Variants in ATP2A3 observed in about 807,000 individuals in gnomAD.
The protein encoded by ATP2A3 is sarcoplasmic/endoplasmic reticulum calcium ATPase 3.
In ATP2A3, 61 loss-of-function variants were observed where a neutral mutation model predicts 106.8. The observed-to-expected ratio is 0.57, with a 90% confidence interval of 0.46 to 0.71. The LOEUF (loss-of-function observed/expected upper bound fraction) is 0.71. ATP2A3 is among the 30% of genes least tolerant of loss of function. The pLI is 0.00. For missense variants in ATP2A3, 1,201 were observed against 1,423.5 expected (o/e 0.84, Z 2.52); for synonymous variants, 611 against 609.3 (o/e 1.00, Z -0.04).
rs143751516 is a variant in ATP2A3 at position 3,924,581 on chromosome 17, G to A, written c.*841C>T. 2.8e-6 allele frequency: 1 copy of A among 352,220 alleles called. No individual in the cohort carries two copies. Among genetic ancestry groups the A allele is most frequent in the East Asian group, 8.1e-5 (1 of 12,306 alleles). The allele number at this position is 352,220 out of a possible 1,614,324, so 21.8% of individuals were successfully genotyped here. On this transcript the variant is annotated 3_prime_UTR_variant, in exon 21 of 21. Transcript: ENST00000397041. This position sits in a 1 kb window ranked among gnomAD's most constrained non-coding sequence, Gnocchi z 6.4. Reference sequence around the variant, plus strand: ...GATGTCGGTGGTCTCAGGTACCAGGGACGCGGGTGGCAAGTTGGACCTCTG... The same window carrying A: ...GATGTCGGTGGTCTCAGGTACCAGGAACGCGGGTGGCAAGTTGGACCTCTG...
In ATP2A3 at chr17:3,949,008, A is replaced by G. The variant is rs1169084996; in HGVS notation, c.631-1153T>C. On this transcript the variant is annotated intron_variant, in intron 7 of 20. Transcript: ENST00000397041. ...CTGGGCACGGTGGTGTGTGCTTGTA[A>G]TCCCACCTGCTTGGGAGGCTGAGGC... Among the ~76,000 whole-genome samples the G allele has an allele frequency of 3.3e-5, 5 of 151,700 alleles. 1 individual carries two copies. Among genetic ancestry groups the G allele is most frequent in the Admixed American group, 3.3e-4 (5 of 15,194 alleles).
At position 3,947,594 on chromosome 17, in the gene ATP2A3, T is replaced by C. The variant is rs778035347; in HGVS notation, c.892A>G (p.Ile298Val). The change falls in exon 8 of 21, where the codon ATC becomes GTC. Residue 298 changes from isoleucine (I) to valine (V), a missense_variant. By Grantham distance (29) the Ile-to-Val change is conservative. This residue lies in a region of ATP2A3 where 935 missense variants were observed against 1,176.7 expected (regional missense o/e 0.79). Transcript: ENST00000397041. The surrounding 1 kb of genome is among the most constrained non-coding windows in gnomAD (Gnocchi z 7.7). ...WLRGAVYYFK[I>V]AVALAVAAIP... ...GCCGCCACCGCCAGGGCCACGGCGA[T>C]CTTGAAGTAGTAGACAGCGCCACGC... 3.7e-6 allele frequency: 6 copies of C among 1,612,706 alleles called. No individual in the cohort carries two copies. Among genetic ancestry groups the C allele is most frequent in the Non-Finnish European group, 5.1e-6 (6 of 1,179,910 alleles).
intron 11 of ATP2A3, among the ~76,000 whole-genome samples, 156 bp downstream of exon 11, chr17:3,943,235 G>T (rs908250443): frequency 6.7e-6 from 1 of 149,422 alleles, no homozygotes; most frequent in Non-Finnish European, 1.5e-5. Flanking sequence ...TTGCACCATT[G>T]TACTAAAGCC....
Position 3,953,345 on chromosome 17 carries a change from A to G in ATP2A3, c.219+2T>C. On this transcript the variant is annotated splice_donor_variant, in intron 3 of 20. Transcript: ENST00000397041. LOFTEE classifies it high-confidence loss of function. This position sits in a 1 kb window ranked among gnomAD's most constrained non-coding sequence, Gnocchi z 5.1. ...CAGGATGGCTGGCAGGGCCCTACTT[A>G]CAAAGGAGACAAGGGCAGCCAGCAG... 6.2e-7 allele frequency: 1 copy of G among 1,613,776 alleles called. No individual in the cohort carries two copies. Among genetic ancestry groups the G allele is most frequent in the Non-Finnish European group, 8.5e-7 (1 of 1,179,880 alleles).
In ATP2A3 at chr17:3,924,992, G is replaced by A. The variant is rs1430264399; in HGVS notation, c.*430C>T. On this transcript the variant is annotated 3_prime_UTR_variant, in exon 21 of 21. Transcript: ENST00000397041. This position sits in a 1 kb window ranked among gnomAD's most constrained non-coding sequence, Gnocchi z 6.4. ...TCAGAGCCGGTAAGAAGGACCCCCA[G>A]AGTCCTCCGTCAGTGCAGAGGCACC... The A allele has an allele frequency of 2.6e-6, 1 of 388,078 alleles. No homozygotes were observed. Among genetic ancestry groups the A allele is most frequent in the Non-Finnish European group, 5.0e-6 (1 of 199,412 alleles). The allele number at this position is 388,078 out of a possible 1,614,324, so 24.0% of individuals were successfully genotyped here.
chr17:3,928,926 C>T lies in ATP2A3; in HGVS notation c.2863-146G>A. ...CCCTGGATGCACCCCCGATCTTTGT[C>T]CACTCAGCTGCACCCCCCGATCTTT... On this transcript the variant is annotated intron_variant, in intron 19 of 20. Coordinates refer to ENST00000397041, the MANE Select transcript of ATP2A3 (RefSeq NM_005173.4). This position sits in a 1 kb window ranked among gnomAD's most constrained non-coding sequence, Gnocchi z 6.1. The T allele has an allele frequency of 1.5e-6, 1 of 647,742 alleles. No individual in the cohort carries two copies. The highest frequency in any genetic ancestry group is 2.7e-6 in the Non-Finnish European group (1 of 368,838). The allele number at this position is 647,742 out of a possible 1,614,324, so 40.1% of individuals were successfully genotyped here.
At chr17:3,939,286 C>T (rs1474216862) in intron 14 of ATP2A3, among the ~76,000 whole-genome samples, 1 of 151,812 alleles carries the variant, frequency 6.6e-6, no homozygotes, top group Non-Finnish European at 1.5e-5. Context: ...GCTTGGTGTG[C>T]AGATCAAGGC....
rs1442448385 is a variant in ATP2A3, at chr17:3,928,313, C to T, written c.2980+350G>A. 4 of 1,613,010 alleles carry T rather than the reference C, an allele frequency of 2.5e-6. No individual in the cohort carries two copies. The highest frequency in any genetic ancestry group is 3.4e-6 in the Non-Finnish European group (4 of 1,180,004). On this transcript the variant is annotated intron_variant, in intron 20 of 20. Coordinates refer to ENST00000397041, the MANE Select transcript of ATP2A3 (RefSeq NM_005173.4). This position sits in a 1 kb window ranked among gnomAD's most constrained non-coding sequence, Gnocchi z 6.1. The stretch of plus-strand genomic sequence containing the variant: ...GCCTGCGAGACTGTCCTGAGAAGGC[C>T]TGGATAAAGACAGGCTGGGTGCAGA...
At chr17:3,951,727 C>A in intron 3 of ATP2A3, 42 bp from the exon 4 acceptor site, 1 of 1,556,772 alleles carries the variant, frequency 6.4e-7, no homozygotes, top group South Asian at 1.2e-5. Context: ...TGCTGCGGGC[C>A]GAGATCTGCT....
chr17:3,924,168 A>G lies in ATP2A3; in HGVS notation c.*1254T>C, dbSNP rs1029372682. 2.0e-5 allele frequency: 3 copies of G among 152,340 alleles called. No individual in the cohort carries two copies. The highest frequency in any genetic ancestry group is 1.3e-4 in the Admixed American group (2 of 15,288). The allele number at this position is 152,340 out of a possible 1,614,324, so 9.4% of individuals were successfully genotyped here. ...GACTAGGAAAGGGATGTGAGTCTTG[A>G]TTTACATATAAAATCATCAGTCTGC... On this transcript the variant is annotated 3_prime_UTR_variant, in exon 21 of 21. Coordinates refer to ENST00000397041, the MANE Select transcript of ATP2A3 (RefSeq NM_005173.4). The surrounding 1 kb of genome is among the most constrained non-coding windows in gnomAD (Gnocchi z 6.4).
intron 17 of ATP2A3, among the ~76,000 whole-genome samples, chr17:3,932,579 C>A (rs1343189974): frequency 6.6e-5 from 10 of 152,102 alleles, no homozygotes; most frequent in Non-Finnish European, 2.9e-5. Context: ...AGCTGAGACT[C>A]CAGGCCTGAG....
intron 1 of ATP2A3, among the ~76,000 whole-genome samples, chr17:3,962,880 C>T (rs369698122): frequency 3.3e-5 from 5 of 152,178 alleles, no homozygotes; most frequent in East Asian, 3.8e-4. Context: ...CGCCGGCCCT[C>T]GCCCCCAGCC....
chr17:3,958,129 G>A (rs567480058), intron 1 of ATP2A3, among the ~76,000 whole-genome samples: 5 of 152,300 alleles, frequency 3.3e-5, no homozygotes, highest in South Asian at 2.1e-4. Context: ...TCTATCTCAC[G>A]GTACTTCTGT....
In ATP2A3 at chr17:3,924,951, G is replaced by A; in HGVS notation, c.*471C>T. The A allele has an allele frequency of 4.8e-6, 2 of 412,430 alleles. No homozygotes were observed. Among genetic ancestry groups the A allele is most frequent in the South Asian group, 3.5e-5 (2 of 56,806 alleles). 25.5% of individuals were successfully genotyped at this position (412,430 alleles called of 1,614,324 possible). A position where few individuals can be genotyped will look rare whatever the true frequency, so the allele number is the denominator to read the frequency against. ...CCAGGGCTGACCCAGTCCCAGACCA[G>A]GCACGAAGAGAGAGGTCAGAGCCGG... On this transcript the variant is annotated 3_prime_UTR_variant, in exon 21 of 21. Transcript: ENST00000397041. This position sits in a 1 kb window ranked among gnomAD's most constrained non-coding sequence, Gnocchi z 6.4.
intron 14 of ATP2A3, among the ~76,000 whole-genome samples, chr17:3,938,365 C>T (rs978600143): frequency 4.0e-5 from 6 of 151,740 alleles, no homozygotes; most frequent in African/African-American, 1.5e-4. Flanking sequence ...GCCCGGGAGG[C>T]GGAGGTTGCA....
chr17:3,937,340 A>T, intron 15 of ATP2A3, 76 bp downstream of exon 15: 1 of 1,502,654 alleles, frequency 6.7e-7, no homozygotes, highest in Non-Finnish European at 9.1e-7. Context: ...AGCGCATCCG[A>T]GGAACAGGCG....
At chr17:3,946,957 G>T (rs1167627799) in intron 8 of ATP2A3, among the ~76,000 whole-genome samples, 1 of 152,358 alleles carries the variant, frequency 6.6e-6, no homozygotes, top group East Asian at 1.9e-4. Context: ...GCCCTTCCCA[G>T]GTTACCGGAG....
rs2144676739 is a variant in ATP2A3 at position 3,953,391 on chromosome 17, C to T, written c.175G>A (p.Asp59Asn). Reference protein sequence around the residue: ...LWELVLEQFEDLLVRILLLAA... With the variant: ...LWELVLEQFENLLVRILLLAA... ...AGCAGCAGGATGCGCACCAGGAGGT[C>T]CTCAAACTGTTCCAGCACCAGCTCC... The change falls in exon 3 of 21, where the codon GAC becomes AAC. Residue 59 changes from aspartate to asparagine, a missense_variant. By Grantham distance (23) the Asp-to-Asn change is conservative. Around this residue, in one of 2 missense-constraint regions of ATP2A3, gnomAD observed 266 missense variants for 246.8 expected, o/e 1.08. Coordinates refer to ENST00000397041, the MANE Select transcript of ATP2A3 (RefSeq NM_005173.4). The surrounding 1 kb of genome is among the most constrained non-coding windows in gnomAD (Gnocchi z 5.1). 1.2e-6 allele frequency: 2 copies of T among 1,614,026 alleles called. No homozygotes were observed. Among genetic ancestry groups the T allele is most frequent in the Middle Eastern group, 1.6e-4 (1 of 6,062 alleles).
chr17:3,954,911 G>A (rs997938210), intron 1 of ATP2A3, among the ~76,000 whole-genome samples: 1 of 152,232 alleles, frequency 6.6e-6, no homozygotes, highest in Non-Finnish European at 1.5e-5. Flanking sequence ...GCAGGTGGCA[G>A]GGAGTTCCTG....
Sources: gnomAD v4.1 joint callset for allele counts (sites outside exome capture counted in the v4.1 genomes callset) on GRCh38, gnomAD v4.1.1 for gene constraint, gnomAD v4.1.1 regional missense constraint, Gnocchi (gnomAD v3.1) non-coding constraint, MANE v1.5 for transcripts, NCBI Gene and HGNC (gene_info 2026-07-23, HGNC 2026-07-21) for gene names.